The following TOX variants were observed in gnomAD, a reference collection of about 807,000 sequenced individuals.
The protein encoded by TOX is thymocyte selection-associated high mobility group box protein TOX.
Under a neutral mutation model 53.7 loss-of-function variants are expected in TOX, and 11 were observed. That is an observed-to-expected ratio of 0.20 (90% CI 0.13 to 0.34). TOX has a LOEUF of 0.34. Ranked by LOEUF, TOX falls within the 10% of genes least tolerant of loss-of-function variation. The probability of loss-of-function intolerance (pLI) is 1.00; values close to 1 mark genes in which losing one functional copy is unlikely to be tolerated. For missense variants in TOX, 570 were observed against 664.6 expected (o/e 0.86, Z 1.56); for synonymous variants, 225 against 245.3 (o/e 0.92, Z 0.77).
rs543052637 is a variant in TOX, at chr8:58,958,705, C to T, written c.168+1238G>A. Among the ~76,000 whole-genome samples the T allele has an allele frequency of 3.3e-5, 5 of 152,326 alleles. No homozygotes were observed. In the East Asian group the frequency reaches 7.7e-4, roughly 23 times the overall value. On this transcript the variant is annotated intron_variant, in intron 2 of 8. Transcript: ENST00000361421. ...CCAAAAGTATTCTTAGAGTGAACAGCTCAGTTGAATGGAAGGCAATGTAGT... is the reference window on the plus strand; with the variant it reads ...CCAAAAGTATTCTTAGAGTGAACAGTTCAGTTGAATGGAAGGCAATGTAGT...
intron 3 of TOX, among the ~76,000 whole-genome samples, chr8:58,910,226 C>T (rs1811886593): frequency 6.6e-6 from 1 of 152,046 alleles, no homozygotes; most frequent in Admixed American, 6.5e-5. Context: ...GTTTTTCAAG[C>T]CTACACAAAT....
intron 5 of TOX, among the ~76,000 whole-genome samples, chr8:58,827,468 G>C (rs1287444761): frequency 6.6e-6 from 1 of 152,184 alleles, no homozygotes; most frequent in African/African-American, 2.4e-5. Flanking sequence ...TGGTGATTAA[G>C]GACACGTTTG....
At position 58,807,480 on chromosome 8, in the gene TOX, A is replaced by C; in HGVS notation, c.*267T>G. The C allele has an allele frequency of 2.5e-6, 1 of 407,322 alleles. No homozygotes were observed. The highest frequency in any genetic ancestry group is 4.5e-6 in the Non-Finnish European group (1 of 223,692). The allele number at this position is 407,322 out of a possible 1,614,324, so 25.2% of individuals were successfully genotyped here. ...GCTAAGGCAGTTACTAGAGCGCAGC[A>C]CTTCACAGCAAAAAACCAACATAAA... On this transcript the variant is annotated 3_prime_UTR_variant, in exon 9 of 9. Coordinates refer to ENST00000361421, the MANE Select transcript of TOX (RefSeq NM_014729.3).
At chr8:58,912,030 C>T (rs950382467) in intron 3 of TOX, among the ~76,000 whole-genome samples, 2 of 152,230 alleles carry the variant, frequency 1.3e-5, no homozygotes, top group African/African-American at 2.4e-5. Flanking sequence ...GCTCCCCCGG[C>T]TCCACCCCAG....
At chr8:59,026,348 GT>G (rs767394858) in intron 1 of TOX, among the ~76,000 whole-genome samples, 1 of 152,148 alleles carries the variant, frequency 6.6e-6, no homozygotes, top group Non-Finnish European at 1.5e-5. Flanking sequence ...TGAGAGGAAT[GT>G]GTAAGAAAAG....
At chr8:59,049,567 C>G (rs1472315280) in intron 1 of TOX, among the ~76,000 whole-genome samples, 1 of 152,056 alleles carries the variant, frequency 6.6e-6, no homozygotes, top group East Asian at 1.9e-4. Context: ...ATAAGACAAC[C>G]AAAGTAGACC....
chr8:58,998,416 G>A (rs1380440509), intron 1 of TOX, among the ~76,000 whole-genome samples: 5 of 147,688 alleles, frequency 3.4e-5, no homozygotes, highest in African/African-American at 1.3e-4. Flanking sequence ...TTGCAACCAG[G>A]AGGCAGAGGT....
intron 3 of TOX, among the ~76,000 whole-genome samples, chr8:58,867,710 A>T (rs78574756): frequency 3.3e-5 from 5 of 152,096 alleles, no homozygotes; most frequent in Non-Finnish European, 7.4e-5. Flanking sequence ...GGTGGTGTCA[A>T]TGTGGCTAGT....
At chr8:58,930,344 G>A (rs921221959) in intron 3 of TOX, among the ~76,000 whole-genome samples, 1 of 152,186 alleles carries the variant, frequency 6.6e-6, no homozygotes, top group Admixed American at 6.5e-5. Context: ...CTTATATAGA[G>A]CATTGCTATC....
At chr8:59,083,251 C>G (rs1014101369) in intron 1 of TOX, among the ~76,000 whole-genome samples, 4 of 152,188 alleles carry the variant, frequency 2.6e-5, no homozygotes, top group Non-Finnish European at 5.9e-5. Flanking sequence ...ATCTTGGAAC[C>G]TACTTTTTAT....
intron 1 of TOX, among the ~76,000 whole-genome samples, chr8:59,017,677 G>A (rs1446932187): frequency 1.3e-5 from 2 of 152,146 alleles, no homozygotes; most frequent in African/African-American, 4.8e-5. Flanking sequence ...AGTATAATAA[G>A]CCATGCTTCT....
At chr8:58,811,120 A>G (rs991704727) in intron 7 of TOX, among the ~76,000 whole-genome samples, 7 of 152,226 alleles carry the variant, frequency 4.6e-5, no homozygotes, top group Admixed American at 2.6e-4. Context: ...AGCAAATGAC[A>G]CATTCCTCTG....
At chr8:58,934,900 G>T (rs1812318227) in intron 3 of TOX, among the ~76,000 whole-genome samples, 1 of 152,134 alleles carries the variant, frequency 6.6e-6, no homozygotes, top group Admixed American at 6.5e-5. Context: ...CCATTTTCCT[G>T]ATAAGGAAGC....
intron 1 of TOX, among the ~76,000 whole-genome samples, chr8:58,960,327 T>C (rs1466820816): frequency 6.6e-6 from 1 of 152,180 alleles, no homozygotes; most frequent in Non-Finnish European, 1.5e-5. Context: ...ACGCCATGTA[T>C]ACATATTGCA....
rs1219416407 is a variant in TOX at position 59,117,182 on chromosome 8, G to A, written c.102+1704C>T. 6.6e-6 allele frequency among the ~76,000 whole-genome samples: 1 copy of A among 152,166 alleles called. No individual in the cohort carries two copies. Among genetic ancestry groups the A allele is most frequent in the East Asian group, 1.9e-4 (1 of 5,202 alleles). ...GAATAAGTCTTTACTCTCCAAGATA[G>A]GGCTGCAACTTTATTATTTTTTATT... On this transcript the variant is annotated intron_variant, in intron 1 of 8. Transcript: ENST00000361421. This position sits in a 1 kb window ranked among gnomAD's most constrained non-coding sequence, Gnocchi z 4.6.
At position 59,049,541 on chromosome 8, in the gene TOX, G is replaced by A. The variant is rs867902282; in HGVS notation, c.102+69345C>T. 6.6e-5 allele frequency among the ~76,000 whole-genome samples: 10 copies of A among 151,286 alleles called. No homozygotes were observed. In the South Asian group the frequency reaches 1.0e-3, roughly 16 times the overall value. On this transcript the variant is annotated intron_variant, in intron 1 of 8. Transcript: ENST00000361421. ...AATATTAGAAACTGGATTTTTTTTC[G>A]AACATTCTTCATTGAATAAGACAAC...
intron 3 of TOX, among the ~76,000 whole-genome samples, chr8:58,864,593 A>C (rs2129169405): frequency 6.6e-6 from 1 of 152,338 alleles, no homozygotes; most frequent in East Asian, 1.9e-4. Flanking sequence ...TCATTAGCTA[A>C]AAATGTTGCC....
chr8:59,071,392 T>C (rs1197428381), intron 1 of TOX, among the ~76,000 whole-genome samples: 1 of 152,244 alleles, frequency 6.6e-6, no homozygotes, highest in Non-Finnish European at 1.5e-5. Flanking sequence ...GGGAATCTTT[T>C]CCTCACTGGA....
At chr8:59,094,614 A>G (rs1490191648) in intron 1 of TOX, among the ~76,000 whole-genome samples, 1 of 151,772 alleles carries the variant, frequency 6.6e-6, no homozygotes, top group African/African-American at 2.4e-5. Context: ...AGTAATGATA[A>G]TAATTGGGTT....
Sources: gnomAD v4.1 joint callset for allele counts (sites outside exome capture counted in the v4.1 genomes callset) on GRCh38, gnomAD v4.1.1 for gene constraint, Gnocchi (gnomAD v3.1) non-coding constraint, MANE v1.5 for transcripts, NCBI Gene and HGNC (gene_info 2026-07-23, HGNC 2026-07-21) for gene names.